ABTB3: variants seen among roughly 807,000 people sequenced by gnomAD.
ABTB3 encodes the protein ankyrin repeat- and BTB/POZ domain-containing protein 3.
the ABTB3 span, among the ~76,000 whole-genome samples, chr12:107,515,466 G>T: frequency 6.6e-6 from 1 of 152,158 alleles, no homozygotes; most frequent in African/African-American, 2.4e-5. Context: ...TGGGTCACAT[G>T]TTGGAGTGGG....
At chr12:107,371,125 C>T in the ABTB3 span, among the ~76,000 whole-genome samples, 1 of 152,044 alleles carries the variant, frequency 6.6e-6, no homozygotes, top group South Asian at 2.1e-4. Context: ...TTTCATTCCT[C>T]TCTGGATCCT....
At chr12:107,618,915 C>T in the ABTB3 span, among the ~76,000 whole-genome samples, 2 of 152,186 alleles carry the variant, frequency 1.3e-5, no homozygotes, top group East Asian at 3.9e-4. Context: ...AGGGCAAAGC[C>T]ACTCTCAGGA....
At chr12:107,620,932 C>T in the ABTB3 span, among the ~76,000 whole-genome samples, 1 of 152,288 alleles carries the variant, frequency 6.6e-6, no homozygotes, top group East Asian at 1.9e-4. Flanking sequence ...CCAGAACAGC[C>T]TTTGTGGAAC....
chr12:107,625,906 T>G, the ABTB3 span, among the ~76,000 whole-genome samples: 1 of 152,206 alleles, frequency 6.6e-6, no homozygotes, highest in Non-Finnish European at 1.5e-5. Flanking sequence ...ACTTGACTTT[T>G]GCTGGCAAGG....
chr12:107,636,417 C>T, the ABTB3 span, among the ~76,000 whole-genome samples: 1 of 152,158 alleles, frequency 6.6e-6, no homozygotes, highest in Non-Finnish European at 1.5e-5. Context: ...TTTCCTACTT[C>T]CTGTTTCCCT....
At chr12:107,621,997 T>C in the ABTB3 span, among the ~76,000 whole-genome samples, 1 of 152,054 alleles carries the variant, frequency 6.6e-6, no homozygotes, top group African/African-American at 2.4e-5. Context: ...TCCCAGCACT[T>C]TGGGAGGCCG....
chr12:107,337,166 G>C, the ABTB3 span, among the ~76,000 whole-genome samples: 1 of 152,242 alleles, frequency 6.6e-6, no homozygotes, highest in Non-Finnish European at 1.5e-5. Flanking sequence ...ACAATTCTCC[G>C]GGCGCAGCCC....
At chr12:107,539,781 A>G in the ABTB3 span, among the ~76,000 whole-genome samples, 4 of 152,272 alleles carry the variant, frequency 2.6e-5, no homozygotes, top group Middle Eastern at 3.4e-3. Flanking sequence ...TGAGAGGTGA[A>G]GATTATTCCT....
chr12:107,536,514 A>C, the ABTB3 span, among the ~76,000 whole-genome samples: 1 of 152,148 alleles, frequency 6.6e-6, no homozygotes, highest in African/African-American at 2.4e-5. Flanking sequence ...AATGTCCGTA[A>C]TAGACAAGGA....
chr12:107,471,470 GA>G, the ABTB3 span, among the ~76,000 whole-genome samples: 1 of 152,228 alleles, frequency 6.6e-6, no homozygotes, highest in African/African-American at 2.4e-5. Context: ...GAGGAAAAGA[GA>G]GGAGGTAGTT....
At chr12:107,539,758 C>T in the ABTB3 span, among the ~76,000 whole-genome samples, 1 of 152,298 alleles carries the variant, frequency 6.6e-6, no homozygotes, top group South Asian at 2.1e-4. Context: ...TGCACTTAAC[C>T]CTCATAACCA....
the ABTB3 span, among the ~76,000 whole-genome samples, chr12:107,510,385 C>T: frequency 1.6e-4 from 25 of 151,888 alleles, no homozygotes; most frequent in African/African-American, 6.1e-4. Flanking sequence ...CCAGCACAGC[C>T]TTATACAATC....
chr12:107,625,965 G>T, the ABTB3 span, among the ~76,000 whole-genome samples: 1 of 152,142 alleles, frequency 6.6e-6, no homozygotes, highest in Non-Finnish European at 1.5e-5. Flanking sequence ...AGCAGCTATT[G>T]TCTAAAAGTT....
chr12:107,584,243 C>A, the ABTB3 span, among the ~76,000 whole-genome samples: 399 of 152,322 alleles, frequency 2.6e-3, 4 homozygotes, highest in African/African-American at 8.7e-3. Context: ...GCGTTAGATA[C>A]CAGGGACCCA....
At chr12:107,452,338 G>C in the ABTB3 span, among the ~76,000 whole-genome samples, 1 of 151,432 alleles carries the variant, frequency 6.6e-6, no homozygotes, top group Non-Finnish European at 1.5e-5. Context: ...GTCCTGAGTA[G>C]CTGGGACACA....
chr12:107,520,428 G>A, the ABTB3 span: 153 of 1,577,396 alleles, frequency 9.7e-5, no homozygotes, highest in Admixed American at 3.1e-4. Context: ...CCTTCCCTCG[G>A]TTAACTGAAA....
chr12:107,625,630 C>T, the ABTB3 span, among the ~76,000 whole-genome samples: 1 of 152,076 alleles, frequency 6.6e-6, no homozygotes, highest in Admixed American at 6.6e-5. Context: ...GGTGGGGTGG[C>T]CTCATGACTA....
chr12:107,597,424 G>A, the ABTB3 span, among the ~76,000 whole-genome samples: 2 of 152,132 alleles, frequency 1.3e-5, no homozygotes, highest in Non-Finnish European at 1.5e-5. Context: ...GTCATCCCAC[G>A]GCGGAAGGGC....
chr12:107,531,613 T>C, the ABTB3 span, among the ~76,000 whole-genome samples: 2 of 152,144 alleles, frequency 1.3e-5, no homozygotes, highest in African/African-American at 4.8e-5. Flanking sequence ...ACACCTGCAA[T>C]GCTAGTTACA....
Sources: gnomAD v4.1 joint callset for allele counts (sites outside exome capture counted in the v4.1 genomes callset) on GRCh38, gnomAD v4.1.1 for gene constraint, MANE v1.5 for transcripts, NCBI Gene and HGNC (gene_info 2026-07-23, HGNC 2026-07-21) for gene names.